PRTG: variants seen among roughly 807,000 people sequenced by gnomAD.
PRTG encodes protogenin.
PRTG carries 67 observed loss-of-function variants against 122.5 expected under a neutral mutation model. The ratio of observed to expected loss-of-function variants is 0.55; its 90% confidence interval spans 0.45 to 0.67. The LOEUF (loss-of-function observed/expected upper bound fraction) is 0.67, where lower values mean the gene tolerates loss of function less well. Among genes scored for constraint, PRTG ranks in the 30% least tolerant of loss-of-function variants. The pLI, the probability that PRTG is intolerant of heterozygous loss-of-function variation, is 0.00. For missense variants in PRTG, 1,435 were observed against 1,415.4 expected, an observed-to-expected ratio of 1.01 and a Z score of -0.22; for synonymous variants, 554 against 501.1, an observed-to-expected ratio of 1.11 and a Z score of -1.41.
intron 2 of PRTG, among the ~76,000 whole-genome samples, chr15:55,708,203 G>A (rs1307917853): frequency 1.4e-5 from 2 of 138,526 alleles, no homozygotes. Context: ...TAGTGAGAAA[G>A]GCGGGAAAGA....
chr15:55,683,778 T>C lies in PRTG; in HGVS notation c.542+9A>G. On this transcript the variant is annotated intron_variant, in intron 3 of 19. Coordinates refer to ENST00000389286, the MANE Select transcript of PRTG (RefSeq NM_173814.6). The stretch of plus-strand genomic sequence containing the variant: ...CATATCATCTCCAAAGACAAAAATC[T>C]ACATCTACCTGTCCATAGTCATAGG... 1 of 1,603,662 alleles carries C rather than the reference T, an allele frequency of 6.2e-7. No homozygotes were observed. Among genetic ancestry groups the C allele is most frequent in the Non-Finnish European group, 8.5e-7 (1 of 1,174,274 alleles).
At position 55,672,500 on chromosome 15, in the gene PRTG, C is replaced by T; in HGVS notation, c.1986G>A (p.Glu662=). 6.2e-7 allele frequency: 1 copy of T among 1,614,102 alleles called. No individual in the cohort carries two copies. Among genetic ancestry groups the T allele is most frequent in the Non-Finnish European group, 8.5e-7 (1 of 1,179,996 alleles). Residue 662 remains glutamate, a synonymous_variant, in exon 11 of 20, where the codon GAG becomes GAA. Transcript: ENST00000389286. ...KLYYKEEGQQ[E]NGPIFLDTKD... ...TGGTATCCAAGAAAATGGGCCCATT[C>T]TCCTGCTGCCCTTCTTCCTTGTAGT...
At chr15:55,694,983 T>C (rs191385473) in intron 2 of PRTG, among the ~76,000 whole-genome samples, 2 of 152,274 alleles carry the variant, frequency 1.3e-5, no homozygotes, top group South Asian at 2.1e-4. Context: ...CTCTATAAAA[T>C]AGGCAAGAAA....
At chr15:55,653,325 G>T (rs1421541163) in intron 11 of PRTG, among the ~76,000 whole-genome samples, 2 of 151,994 alleles carry the variant, frequency 1.3e-5, no homozygotes, top group Non-Finnish European at 2.9e-5. Context: ...AGGGTCTTAA[G>T]ACAAATAACA....
chr15:55,691,660 A>C (rs1040254573), intron 2 of PRTG, among the ~76,000 whole-genome samples: 1 of 151,768 alleles, frequency 6.6e-6, no homozygotes, highest in East Asian at 1.9e-4. Flanking sequence ...CAGCCTGGGC[A>C]ACAGAGCAAG....
chr15:55,639,559 G>T, intron 13 of PRTG, 83 bp downstream of exon 13: 4 of 1,261,896 alleles, frequency 3.2e-6, no homozygotes, highest in Admixed American at 2.0e-5. Flanking sequence ...CCCGAGCTGG[G>T]CCCAAGATGG....
chr15:55,620,339 C>T lies in PRTG; in HGVS notation c.3199-73G>A. The stretch of plus-strand genomic sequence containing the variant: ...TCCACGAGCAAAAGCTCATCAGGTC[C>T]CCACAGACAGGTGGGAGCACATCAG... On this transcript the variant is annotated intron_variant, in intron 19 of 19. Transcript: ENST00000389286. 3 of 1,567,482 alleles carry T rather than the reference C, an allele frequency of 1.9e-6. No homozygotes were observed. The Admixed American group carries it at 5.5e-5, about 29-fold the overall frequency.
intron 2 of PRTG, among the ~76,000 whole-genome samples, chr15:55,694,152 A>T (rs2059619764): frequency 1.3e-5 from 2 of 152,202 alleles, no homozygotes; most frequent in Non-Finnish European, 2.9e-5. Context: ...TTAAAAAGAG[A>T]TAGGTAACTA....
At chr15:55,682,593 T>TCCAG in intron 3 of PRTG, 96 bp from the exon 4 acceptor site, 1 of 558,750 alleles carries the variant, frequency 1.8e-6, no homozygotes, top group Non-Finnish European at 2.4e-6. Context: ...AGATGGAGTT[T>TCCAG]CACTCTTGTT....
chr15:55,673,287 A>T (rs1049630186), intron 10 of PRTG, 84 bp downstream of exon 10: 4 of 987,646 alleles, frequency 4.1e-6, no homozygotes, highest in South Asian at 2.0e-5. Flanking sequence ...AACAAAATTT[A>T]AAAATATAAA....
intron 4 of PRTG, 81 bp from the exon 5 acceptor site, chr15:55,680,709 A>T: frequency 1.1e-6 from 1 of 933,334 alleles, no homozygotes; most frequent in Non-Finnish European, 1.5e-6. Context: ...ATTTATTCTT[A>T]TCACTCACTT....
At chr15:55,623,296 G>A (rs947057387) in intron 18 of PRTG, among the ~76,000 whole-genome samples, 2 of 152,000 alleles carry the variant, frequency 1.3e-5, no homozygotes, top group African/African-American at 4.8e-5. Context: ...AGCTGGGCAC[G>A]GTGGCTCACA....
intron 14 of PRTG, 40 bp from the exon 15 acceptor site, chr15:55,637,380 A>T (rs2059263831): frequency 7.5e-6 from 11 of 1,464,300 alleles, no homozygotes; most frequent in Non-Finnish European, 1.0e-5. Flanking sequence ...ATATAGTAAA[A>T]TGGTTCATAA....
chr15:55,624,165 A>G (rs979675682), intron 18 of PRTG, among the ~76,000 whole-genome samples, 177 bp downstream of exon 18: 1 of 150,650 alleles, frequency 6.6e-6, no homozygotes, highest in African/African-American at 2.4e-5. Flanking sequence ...ATCTATCCTC[A>G]CCTTTTTCCC....
intron 11 of PRTG, among the ~76,000 whole-genome samples, chr15:55,659,084 A>G (rs1324285882): frequency 6.6e-6 from 1 of 152,226 alleles, no homozygotes; most frequent in Non-Finnish European, 1.5e-5. Context: ...TTCCTATGAT[A>G]AATCAAGATA....
rs1315571063 is a variant in PRTG at position 55,738,023 on chromosome 15, T to TACAC, written c.397+2358_397+2359insGTGT. On this transcript the variant is annotated intron_variant, in intron 2 of 19. Transcript: ENST00000389286. ...CTCTCTATATATATATATATATATATATACACACACACACACACACACACA... is the reference window on the plus strand; with the variant it reads ...CTCTCTATATATATATATATATATATACACATACACACACACACACACACACACA... 2.4e-3 allele frequency among the ~76,000 whole-genome samples: 227 copies of TACAC among 96,162 alleles called. 1 individual carries two copies. The highest frequency in any genetic ancestry group is 7.8e-3 in the African/African-American group (204 of 26,092). The allele number at this position is 96,162 out of a possible 152,430, so 63.1% of individuals were successfully genotyped here.
At chr15:55,642,180 CAAAAA>C (rs761440348) in intron 11 of PRTG, among the ~76,000 whole-genome samples, 1 of 66,764 alleles carries the variant, frequency 1.5e-5, no homozygotes, top group African/African-American at 5.1e-5. Context: ...GACTCCGTCT[CAAAAA>C]AAAAAAAAAA....
intron 2 of PRTG, among the ~76,000 whole-genome samples, chr15:55,732,619 C>T (rs572692001): frequency 4.0e-5 from 6 of 151,802 alleles, no homozygotes; most frequent in Admixed American, 6.6e-5. Flanking sequence ...CTCAGCCTCC[C>T]GAGTAGCTAG....
chr15:55,656,573 T>C (rs2059381394), intron 11 of PRTG, among the ~76,000 whole-genome samples: 1 of 152,176 alleles, frequency 6.6e-6, no homozygotes, highest in African/African-American at 2.4e-5. Context: ...AGTGGTGTGA[T>C]CTCAGCTCAC....
Sources: gnomAD v4.1 joint callset for allele counts (sites outside exome capture counted in the v4.1 genomes callset) on GRCh38, gnomAD v4.1.1 for gene constraint, MANE v1.5 for transcripts, NCBI Gene and HGNC (gene_info 2026-07-23, HGNC 2026-07-21) for gene names.